The following ANKRD18B variants were observed in gnomAD, a reference collection of about 807,000 sequenced individuals.
The protein encoded by ANKRD18B is ankyrin repeat domain 18B.
In ANKRD18B, 75 loss-of-function variants were observed where a neutral mutation model predicts 111.8. That is an observed-to-expected ratio of 0.67 (90% CI 0.56 to 0.81). The LOEUF (loss-of-function observed/expected upper bound fraction) is 0.81. Ranked by LOEUF, ANKRD18B falls within the 40% of genes least tolerant of loss-of-function variation. The pLI is 0.00. For synonymous variants in ANKRD18B, 356 were observed against 417.3 expected (o/e 0.85, Z 1.79); for missense variants, 1,038 against 1,225.5 (o/e 0.85, Z 2.28).
rs1563909172 is a variant in ANKRD18B at position 33,567,118 on chromosome 9, G to C, written c.2758G>C (p.Glu920Gln). 3.3e-6 allele frequency: 5 copies of C among 1,530,366 alleles called. No homozygotes were observed. Among genetic ancestry groups the C allele is most frequent in the Non-Finnish European group, 4.4e-6 (5 of 1,140,820 alleles). 94.8% of individuals were successfully genotyped at this position (1,530,366 alleles called of 1,614,324 possible). Residue 920 changes from glutamate to glutamine, a missense_variant, in exon 16 of 19, where the codon GAA becomes CAA. Coordinates refer to ENST00000684830, the MANE Select transcript of ANKRD18B (RefSeq NM_001393611.1). ...EIHLQKQAEY[E>Q]KQLEQLNKDN... is the part of the protein sequence containing the mutation. ...TTTGTTTTAGAAACAAGCAGAATATGAAAAACAATTAGAGCAGTTAAACAA... is the reference window on the plus strand; with the variant it reads ...TTTGTTTTAGAAACAAGCAGAATATCAAAAACAATTAGAGCAGTTAAACAA...
rs1304072736 is a variant in ANKRD18B at position 33,543,252 on chromosome 9, G to T, written c.1146G>T (p.Pro382=). The T allele has an allele frequency of 6.5e-7, 1 of 1,548,674 alleles. No individual in the cohort carries two copies. The highest frequency in any genetic ancestry group is 1.4e-5 in the African/African-American group (1 of 72,866). ...TTGAAAGAAGTGAAAATAAACAGCC[G>T]CAGGTATATAACAATTTAAATTTCT... is the stretch of plus-strand genomic sequence containing the variant. The part of the protein sequence containing the change: ...ERLERSENKQ[P]QDSQSYGKKK... The change falls in exon 10 of 19, where the codon CCG becomes CCT. Residue 382 remains proline, a synonymous_variant. Transcript: ENST00000684830.
At chr9:33,533,877 CCATTAT>C (rs1365567662) in intron 4 of ANKRD18B, 6,999 of 141,788 alleles carry the variant, frequency 0.049, 36 homozygotes, top group African/African-American at 0.073. Flanking sequence ...ACTACTATTA[CCATTAT>C]CATTATTATT....
At chr9:33,547,810 T>G (rs1238043532) in intron 10 of ANKRD18B, 128 bp from the exon 11 acceptor site, 1 of 651,222 alleles carries the variant, frequency 1.5e-6, no homozygotes, top group Non-Finnish European at 2.4e-6. Flanking sequence ...TTCAATTTTT[T>G]TCTCCAGTTG....
chr9:33,559,370 C>CA (rs1283709981), intron 14 of ANKRD18B, among the ~76,000 whole-genome samples: 1 of 152,004 alleles, frequency 6.6e-6, no homozygotes, highest in African/African-American at 2.4e-5. Context: ...CAAAATATGT[C>CA]AAAAAATATA....
chr9:33,549,455 G>A (rs915893618), intron 11 of ANKRD18B, among the ~76,000 whole-genome samples: 5 of 152,208 alleles, frequency 3.3e-5, no homozygotes, highest in Non-Finnish European at 7.4e-5. Context: ...TTATGTTGCC[G>A]CATTTTAAGA....
intron 11 of ANKRD18B, 66 bp from the exon 12 acceptor site, chr9:33,550,364 G>C (rs535571): frequency 1.4e-6 from 2 of 1,433,752 alleles, no homozygotes; most frequent in East Asian, 2.5e-5. Flanking sequence ...GTATGCTAGA[G>C]TTAAATATTA....
intron 17 of ANKRD18B, among the ~76,000 whole-genome samples, chr9:33,569,403 T>G (rs1009880550): frequency 1.3e-5 from 2 of 151,786 alleles, no homozygotes; most frequent in Non-Finnish European, 2.9e-5. Context: ...TAGCTGGGAC[T>G]ACAGGTGCCT....
intron 10 of ANKRD18B, among the ~76,000 whole-genome samples, chr9:33,545,661 C>G (rs1828344415): frequency 1.3e-5 from 2 of 152,132 alleles, no homozygotes; most frequent in East Asian, 1.9e-4. Flanking sequence ...TATTCTCCAC[C>G]ACATAGTGAC....
chr9:33,529,182 C>T lies in ANKRD18B; in HGVS notation c.495+9C>T, dbSNP rs532280494. The T allele has an allele frequency of 4.4e-6, 7 of 1,585,568 alleles. No homozygotes were observed. In the African/African-American group the frequency reaches 9.5e-5, roughly 22 times the overall value. On this transcript the variant is annotated intron_variant, in intron 3 of 18. Coordinates refer to ENST00000684830, the MANE Select transcript of ANKRD18B (RefSeq NM_001393611.1). ...TTGAAGCACTAAACAAGGTACAGAT[C>T]AATCAACTTTCTTTTCAAAATGTTT... is the stretch of plus-strand genomic sequence containing the variant.
chr9:33,538,980 G>T (rs958140077), intron 6 of ANKRD18B, among the ~76,000 whole-genome samples: 5 of 152,074 alleles, frequency 3.3e-5, no homozygotes, highest in African/African-American at 1.2e-4. Flanking sequence ...AATTGACATA[G>T]TTTTTGTCTT....
intron 3 of ANKRD18B, among the ~76,000 whole-genome samples, chr9:33,530,736 G>C (rs1213816656): frequency 6.6e-6 from 1 of 152,082 alleles, no homozygotes; most frequent in East Asian, 1.9e-4. Flanking sequence ...GTTTGTGACT[G>C]GGAAGTGAAA....
chr9:33,528,804 A>G lies in ANKRD18B; in HGVS notation c.284A>G (p.Asn95Ser), dbSNP rs762684979. The G allele has an allele frequency of 6.2e-7, 1 of 1,612,326 alleles. No homozygotes were observed. The highest frequency in any genetic ancestry group is 1.1e-5 in the South Asian group (1 of 90,836). ...TTGCTGGACAGAAAATGCCAGATCA[A>G]CATCTGTGACAGACTAAACAGGACA... ...TLLLDRKCQINICDRLNRTPL... is the reference protein window; with the variant it reads ...TLLLDRKCQISICDRLNRTPL... The change falls in exon 2 of 19, where the codon AAC becomes AGC. Residue 95 changes from asparagine to serine, a missense_variant. Transcript: ENST00000684830.
chr9:33,566,645 T>G, intron 15 of ANKRD18B, 145 bp downstream of exon 15: 1 of 965,458 alleles, frequency 1.0e-6, no homozygotes, highest in Non-Finnish European at 1.4e-6. Context: ...AAAGTGACGT[T>G]TTTTCCTTTT....
intron 12 of ANKRD18B, 57 bp downstream of exon 12, chr9:33,550,636 T>TC: frequency 7.0e-7 from 1 of 1,421,210 alleles, no homozygotes; most frequent in East Asian, 2.6e-5. Flanking sequence ...AATACCAGTA[T>TC]CCTAAGTGTC....
At chr9:33,555,347 A>C (rs1828506855) in intron 12 of ANKRD18B, among the ~76,000 whole-genome samples, 1 of 152,188 alleles carries the variant, frequency 6.6e-6, no homozygotes, top group African/African-American at 2.4e-5. Flanking sequence ...TTTAACTTGG[A>C]ATATCTTAAA....
At chr9:33,556,319 A>C (rs1016427571) in intron 13 of ANKRD18B, among the ~76,000 whole-genome samples, 19 of 151,752 alleles carry the variant, frequency 1.3e-4, no homozygotes, top group South Asian at 6.3e-4. Context: ...GCTGGAGTGC[A>C]ATGACGTGAT....
intron 17 of ANKRD18B, 120 bp downstream of exon 17, chr9:33,569,013 A>G (rs1828729524): frequency 3.1e-6 from 3 of 975,526 alleles, no homozygotes; most frequent in Non-Finnish European, 4.3e-6. Flanking sequence ...GATTATAATT[A>G]GCTGTGTTAA....
chr9:33,560,026 T>C (rs1366232272), intron 14 of ANKRD18B, among the ~76,000 whole-genome samples: 1 of 152,192 alleles, frequency 6.6e-6, no homozygotes, highest in Non-Finnish European at 1.5e-5. Flanking sequence ...TATAAGCCTC[T>C]GAAATAAAAA....
chr9:33,556,228 A>T (rs1277240992), intron 13 of ANKRD18B, among the ~76,000 whole-genome samples: 1 of 152,058 alleles, frequency 6.6e-6, no homozygotes, highest in Non-Finnish European at 1.5e-5. Context: ...ACAATCTGAA[A>T]TTTTTTTGAA....
Sources: gnomAD v4.1 joint callset for allele counts (sites outside exome capture counted in the v4.1 genomes callset) on GRCh38, gnomAD v4.1.1 for gene constraint, MANE v1.5 for transcripts, NCBI Gene and HGNC (gene_info 2026-07-23, HGNC 2026-07-21) for gene names.